Variants in MAGI2 observed in about 807,000 individuals in gnomAD.
The protein encoded by MAGI2 is membrane-associated guanylate kinase, WW and PDZ domain-containing protein 2.
A neutral mutation model predicts 133.3 loss-of-function variants in MAGI2; 35 were observed. The ratio of observed to expected loss-of-function variants is 0.26; its 90% CI spans 0.20 to 0.35. The LOEUF (loss-of-function observed/expected upper bound fraction) is 0.35, where lower values mean the gene tolerates loss of function less well. Ranked by LOEUF, MAGI2 falls within the 10% of genes least tolerant of loss-of-function variation. The pLI, the probability that MAGI2 is intolerant of heterozygous loss-of-function variation, is 1.00. For missense variants in MAGI2, 1,636 were observed against 1,863.4 expected (o/e 0.88, Z 2.25); for synonymous variants, 729 against 710.6 (o/e 1.03, Z -0.41).
At chr7:78,524,777 ATG>A (rs1458406072) in intron 3 of MAGI2, among the ~76,000 whole-genome samples, 1 of 148,058 alleles carries the variant, frequency 6.8e-6, no homozygotes, top group East Asian at 2.0e-4. Context: ...TTCAGTAAGT[ATG>A]TTGCTATGCT....
At chr7:78,576,172 C>T (rs991403180) in intron 3 of MAGI2, among the ~76,000 whole-genome samples, 1 of 151,648 alleles carries the variant, frequency 6.6e-6, no homozygotes, top group African/African-American at 2.4e-5. Flanking sequence ...AAAACAACAA[C>T]AACAAACCTC....
At chr7:78,295,176 A>G (rs899472059) in intron 9 of MAGI2, among the ~76,000 whole-genome samples, 1 of 152,158 alleles carries the variant, frequency 6.6e-6, no homozygotes, top group Non-Finnish European at 1.5e-5. Context: ...TAATGTAGTA[A>G]TAGTTCAGGG....
At chr7:79,334,061 CG>C (rs1337331112) in intron 1 of MAGI2, among the ~76,000 whole-genome samples, 1 of 152,096 alleles carries the variant, frequency 6.6e-6, no homozygotes, top group Non-Finnish European at 1.5e-5. Context: ...GCAACCCATC[CG>C]TGTCATCTCT....
intron 1 of MAGI2, among the ~76,000 whole-genome samples, chr7:79,017,212 C>CA (rs1172384758): frequency 2.0e-5 from 3 of 152,226 alleles, no homozygotes; most frequent in Non-Finnish European, 4.4e-5. Flanking sequence ...TGTCTGGAAA[C>CA]AATTCAGGCC....
At position 78,438,762 on chromosome 7, in the gene MAGI2, A is replaced by C. The variant is rs1356171554; in HGVS notation, c.1045+50999T>G. On this transcript the variant is annotated intron_variant, in intron 6 of 21. Transcript: ENST00000354212. ...GGCACAGAAATGGATTTTCTCCACAAAACATGAATTTCTAAAGCCTGGATT... is the reference window on the plus strand; with the variant it reads ...GGCACAGAAATGGATTTTCTCCACACAACATGAATTTCTAAAGCCTGGATT... Among the ~76,000 whole-genome samples, 5 of 152,184 alleles carry C rather than the reference A, an allele frequency of 3.3e-5. No individual in the cohort carries two copies. In the East Asian group the frequency reaches 9.6e-4, roughly 29 times the overall value.
chr7:78,584,416 T>C, intron 3 of MAGI2, among the ~76,000 whole-genome samples: 1 of 85,794 alleles, frequency 1.2e-5, no homozygotes, highest in East Asian at 2.9e-4. Context: ...TGAGACTCCG[T>C]CTCAGAAAAA....
intron 1 of MAGI2, among the ~76,000 whole-genome samples, chr7:79,142,406 A>G (rs1408898494): frequency 3.9e-5 from 6 of 152,208 alleles, no homozygotes; most frequent in Admixed American, 3.9e-4. Flanking sequence ...GACAGAGTTT[A>G]ACTCCACAGC....
intron 1 of MAGI2, among the ~76,000 whole-genome samples, chr7:79,239,255 T>G (rs1167072293): frequency 6.6e-6 from 1 of 152,324 alleles, no homozygotes; most frequent in Non-Finnish European, 1.5e-5. Flanking sequence ...GAAAAGTGGC[T>G]AATGCATTTG....
At chr7:78,273,794 T>C (rs1464866642) in intron 9 of MAGI2, among the ~76,000 whole-genome samples, 1 of 152,184 alleles carries the variant, frequency 6.6e-6, no homozygotes, top group Non-Finnish European at 1.5e-5. Context: ...TCAGGTCATT[T>C]ATATTTTCTC....
intron 9 of MAGI2, among the ~76,000 whole-genome samples, chr7:78,326,135 C>T (rs1220677778): frequency 1.3e-5 from 2 of 152,146 alleles, no homozygotes; most frequent in African/African-American, 4.8e-5. Context: ...TCCCAAGGAC[C>T]ACACTGCTTT....
At chr7:78,442,908 C>A (rs1318116184) in intron 6 of MAGI2, among the ~76,000 whole-genome samples, 1 of 152,166 alleles carries the variant, frequency 6.6e-6, no homozygotes. Context: ...GCAGTTTCCT[C>A]ATTCAGGAAA....
At chr7:78,655,475 A>C (rs749436310) in intron 2 of MAGI2, among the ~76,000 whole-genome samples, 273 of 148,428 alleles carry the variant, frequency 1.8e-3, no homozygotes, top group Non-Finnish European at 3.3e-3. Flanking sequence ...AAAAAAAAAA[A>C]CCACCAGAAA....
chr7:78,411,743 T>C (rs1261612329), intron 6 of MAGI2, among the ~76,000 whole-genome samples: 1 of 152,024 alleles, frequency 6.6e-6, no homozygotes, highest in Non-Finnish European at 1.5e-5. Flanking sequence ...TTTTGGCCCT[T>C]TAATAGCCTT....
At chr7:79,086,995 GTTAT>G (rs1816566214) in intron 1 of MAGI2, among the ~76,000 whole-genome samples, 1 of 151,468 alleles carries the variant, frequency 6.6e-6, no homozygotes, top group Non-Finnish European at 1.5e-5. Flanking sequence ...AAATAAAAGA[GTTAT>G]TTGTTAATAA....
chr7:78,482,547 C>G (rs1792503303), intron 6 of MAGI2, among the ~76,000 whole-genome samples: 1 of 151,886 alleles, frequency 6.6e-6, no homozygotes, highest in Non-Finnish European at 1.5e-5. Context: ...CCATCCATGC[C>G]ATAGCCTACT....
intron 1 of MAGI2, among the ~76,000 whole-genome samples, chr7:79,171,760 ATATATATATAT>A (rs1562961165): frequency 2.1e-3 from 69 of 32,282 alleles, no homozygotes; most frequent in African/African-American, 4.9e-3. Flanking sequence ...ATATATATAT[ATATATATATAT>A]TTTTTTTTTT....
intron 1 of MAGI2, among the ~76,000 whole-genome samples, chr7:79,301,349 C>T (rs2129559714): frequency 6.6e-6 from 1 of 152,338 alleles, no homozygotes; most frequent in South Asian, 2.1e-4. Flanking sequence ...GATGCCAAGG[C>T]CTTGGAAGCT....
intron 2 of MAGI2, among the ~76,000 whole-genome samples, chr7:78,716,984 G>A (rs1395751624): frequency 6.6e-6 from 1 of 152,090 alleles, no homozygotes. Flanking sequence ...AGACTGAACC[G>A]TGAAGAAACA....
rs532043296 is a variant in MAGI2 at position 78,730,909 on chromosome 7, A to C, written c.419-103670T>G. 3.3e-5 allele frequency among the ~76,000 whole-genome samples: 5 copies of C among 152,244 alleles called. No homozygotes were observed. The East Asian group carries it at 7.7e-4, about 23-fold the overall frequency. On this transcript the variant is annotated intron_variant, in intron 2 of 21. Transcript: ENST00000354212. The stretch of plus-strand genomic sequence containing the variant: ...TCACTGAATCTTCTGAACAGCCAAA[A>C]CTTTGAGGTTGAAAACAACCTTAAA...
Sources: allele counts gnomAD v4.1 joint callset (sites outside exome capture counted in the v4.1 genomes callset), GRCh38; gene constraint gnomAD v4.1.1; transcripts MANE v1.5; gene names NCBI Gene and HGNC (gene_info 2026-07-23, HGNC 2026-07-21).